Variants in GRIK4 observed in about 807,000 individuals in gnomAD.
GRIK4 encodes the protein glutamate ionotropic receptor kainate type subunit 4.
Under a neutral mutation model 104.9 loss-of-function variants are expected in GRIK4, and 40 were observed. The ratio of observed to expected loss-of-function variants is 0.38; its 90% CI spans 0.30 to 0.50. The LOEUF (loss-of-function observed/expected upper bound fraction) is 0.50, where lower values mean the gene tolerates loss of function less well. Ranked by LOEUF, GRIK4 falls within the 20% of genes least tolerant of loss-of-function variation. The pLI, the probability that GRIK4 is intolerant of heterozygous loss-of-function variation, is 0.93. For synonymous variants in GRIK4, 485 were observed against 524.9 expected (o/e 0.92, Z 1.04); for missense variants, 1,047 against 1,308.1 (o/e 0.80, Z 3.08).
chr11:120,651,901 A>C (rs1321793644), intron 1 of GRIK4, among the ~76,000 whole-genome samples: 4 of 152,186 alleles, frequency 2.6e-5, no homozygotes, highest in African/African-American at 9.7e-5. Flanking sequence ...TATTATGATC[A>C]TCATAATCAC....
chr11:120,788,827 C>T (rs1168104803), intron 3 of GRIK4, among the ~76,000 whole-genome samples: 1 of 151,686 alleles, frequency 6.6e-6, no homozygotes, highest in Non-Finnish European at 1.5e-5. Context: ...CTTCCCAGAC[C>T]GGCTGCTTGG....
In GRIK4 at chr11:120,965,404, G is replaced by A. The variant is rs11218085; in HGVS notation, c.2267-1791G>A. ...ACAACTCGTTCATGTGTCCATTCAC[G>A]GCAGATGTGTAATAAGTACTTACTG... On this transcript the variant is annotated intron_variant, in intron 18 of 20. Transcript: ENST00000527524. Among the ~76,000 whole-genome samples, 505 of 152,292 alleles carry A rather than the reference G, an allele frequency of 3.3e-3. 1 individual carries two copies. The highest frequency in any genetic ancestry group is 0.011 in the African/African-American group (476 of 41,566).
At chr11:120,689,282 T>C (rs1480603385) in intron 3 of GRIK4, among the ~76,000 whole-genome samples, 4 of 152,108 alleles carry the variant, frequency 2.6e-5, no homozygotes, top group African/African-American at 9.7e-5. Flanking sequence ...AAGAGCCTCC[T>C]ACCTGCCTCC....
Position 120,953,880 on chromosome 11 carries a change from C to G in GRIK4, c.1700+916C>G, listed in dbSNP as rs1421878045. 2.0e-5 allele frequency among the ~76,000 whole-genome samples: 3 copies of G among 152,206 alleles called. No homozygotes were observed. The highest frequency in any genetic ancestry group is 2.9e-5 in the Non-Finnish European group (2 of 68,026). On this transcript the variant is annotated intron_variant, in intron 15 of 20. Transcript: ENST00000527524. This position sits in a 1 kb window ranked among gnomAD's most constrained non-coding sequence, Gnocchi z 4.9. ...CTCCACTTACTGCAGTGGAGGCTCACAAAGGGCTGTTATGTGGGAGCAGAG... is the reference window on the plus strand; with the variant it reads ...CTCCACTTACTGCAGTGGAGGCTCAGAAAGGGCTGTTATGTGGGAGCAGAG...
chr11:120,645,519 C>T (rs569661025), intron 1 of GRIK4, among the ~76,000 whole-genome samples: 12 of 152,204 alleles, frequency 7.9e-5, no homozygotes, highest in African/African-American at 1.2e-4. Context: ...TCACTCATGT[C>T]GGGGGCTTAA....
At chr11:120,517,514 C>T (rs1463584831) in intron 1 of GRIK4, among the ~76,000 whole-genome samples, 3 of 148,750 alleles carry the variant, frequency 2.0e-5, no homozygotes, top group African/African-American at 5.1e-5. Flanking sequence ...CTGACTTCCG[C>T]CTAAAGTTGG....
intron 1 of GRIK4, among the ~76,000 whole-genome samples, chr11:120,512,601 G>C (rs1338404260): frequency 6.6e-6 from 1 of 151,230 alleles, no homozygotes; most frequent in East Asian, 1.9e-4. Context: ...GGAAGTGAGG[G>C]AGAAACTCTA....
chr11:120,812,434 C>T (rs1565366892), intron 4 of GRIK4, among the ~76,000 whole-genome samples: 2 of 152,120 alleles, frequency 1.3e-5, no homozygotes, highest in Non-Finnish European at 2.9e-5. Context: ...ATGAATTTTC[C>T]TCATAGAAGT....
At chr11:120,593,424 G>A (rs979629882) in intron 1 of GRIK4, among the ~76,000 whole-genome samples, 17 of 152,054 alleles carry the variant, frequency 1.1e-4, no homozygotes, top group African/African-American at 3.9e-4. Flanking sequence ...CCTCATCTTG[G>A]TTCTCAGCAG....
chr11:120,516,936 A>AGGATT (rs1555132039), intron 1 of GRIK4, among the ~76,000 whole-genome samples: 8 of 128,342 alleles, frequency 6.2e-5, no homozygotes, highest in South Asian at 2.6e-4. Context: ...GTTCCTGGGC[A>AGGATT]GCAGCCACTG....
chr11:120,579,052 C>T (rs1394435391), intron 1 of GRIK4, among the ~76,000 whole-genome samples: 1 of 152,190 alleles, frequency 6.6e-6, no homozygotes, highest in Non-Finnish European at 1.5e-5. Flanking sequence ...TGGAGGCATA[C>T]TCCTACCTGA....
chr11:120,621,049 G>C (rs192615625), intron 1 of GRIK4, among the ~76,000 whole-genome samples: 3 of 152,118 alleles, frequency 2.0e-5, no homozygotes, highest in Non-Finnish European at 2.9e-5. Context: ...TTTAATCTTC[G>C]GGGATGGGTG....
intron 1 of GRIK4, among the ~76,000 whole-genome samples, chr11:120,585,911 C>T (rs1237832142): frequency 6.6e-6 from 1 of 152,008 alleles, no homozygotes; most frequent in Non-Finnish European, 1.5e-5. Flanking sequence ...GTCAGGGTGC[C>T]ATTTCTAAGA....
At chr11:120,689,532 G>A (rs938695110) in intron 3 of GRIK4, among the ~76,000 whole-genome samples, 4 of 151,074 alleles carry the variant, frequency 2.6e-5, no homozygotes, top group African/African-American at 9.8e-5. Flanking sequence ...AGTTCACTTG[G>A]CCACTCAGTA....
intron 1 of GRIK4, among the ~76,000 whole-genome samples, chr11:120,533,845 C>T (rs1947945968): frequency 6.6e-6 from 1 of 152,180 alleles, no homozygotes; most frequent in Admixed American, 6.5e-5. Flanking sequence ...CCACTGCACT[C>T]CAGCCTGGGT....
chr11:120,565,916 C>T (rs182007349), intron 1 of GRIK4, among the ~76,000 whole-genome samples: 1 of 152,126 alleles, frequency 6.6e-6, no homozygotes, highest in African/African-American at 2.4e-5. Flanking sequence ...TTGAGACACA[C>T]GTGGTTATTC....
chr11:120,794,624 TC>T (rs1952475646), intron 3 of GRIK4, among the ~76,000 whole-genome samples: 2 of 152,202 alleles, frequency 1.3e-5, no homozygotes, highest in East Asian at 3.9e-4. Context: ...GAAGGTGCCA[TC>T]CGCACACCAA....
At chr11:120,827,126 G>C (rs926289706) in intron 6 of GRIK4, among the ~76,000 whole-genome samples, 1 of 152,194 alleles carries the variant, frequency 6.6e-6, no homozygotes, top group Non-Finnish European at 1.5e-5. Context: ...CCAGTAAAGA[G>C]GGAAGGAAGC....
At chr11:120,695,294 C>G (rs1450918207) in intron 3 of GRIK4, among the ~76,000 whole-genome samples, 5 of 152,262 alleles carry the variant, frequency 3.3e-5, no homozygotes, top group Admixed American at 6.5e-5. Flanking sequence ...AAGCTCTCTT[C>G]CAGCCCATCC....
Sources: allele counts gnomAD v4.1 joint callset (sites outside exome capture counted in the v4.1 genomes callset), GRCh38; gene constraint gnomAD v4.1.1; non-coding constraint Gnocchi (gnomAD v3.1); transcripts MANE v1.5; gene names NCBI Gene and HGNC (gene_info 2026-07-23, HGNC 2026-07-21).